The following SLC9D1 variants were observed in gnomAD, a reference collection of about 807,000 sequenced individuals.
The protein encoded by SLC9D1 is putative LAG1-interacting protein.
chr13:113,507,560 C>T, the SLC9D1 span, among the ~76,000 whole-genome samples: 28,161 of 152,106 alleles, frequency 0.19, 3,445 homozygotes, highest in African/African-American at 0.35. Context: ...ACTGAAGCCC[C>T]GAAACTGCGC....
At chr13:113,510,315 C>G in the SLC9D1 span, 1 of 1,614,228 alleles carries the variant, frequency 6.2e-7, no homozygotes, top group South Asian at 1.1e-5. Flanking sequence ...GGGGGCATCT[C>G]TTGCGGATCA....
chr13:113,491,485 C>G, the SLC9D1 span, among the ~76,000 whole-genome samples: 1 of 149,484 alleles, frequency 6.7e-6, no homozygotes, highest in African/African-American at 2.5e-5. Context: ...CAGGGGTCCC[C>G]TTCCTTCCTT....
At chr13:113,548,293 G>A in the SLC9D1 span, 11 of 1,613,412 alleles carry the variant, frequency 6.8e-6, no homozygotes, top group Admixed American at 3.3e-5. Context: ...GTAATGAACC[G>A]CTCTTGCAGT....
At chr13:113,495,987 C>A in the SLC9D1 span, 4 of 1,612,852 alleles carry the variant, frequency 2.5e-6, no homozygotes, top group Admixed American at 3.3e-5. Flanking sequence ...GGAGAGCAGC[C>A]GGCAGCGCCT....
the SLC9D1 span, among the ~76,000 whole-genome samples, chr13:113,521,118 CTGTG>C: frequency 6.6e-6 from 1 of 150,968 alleles, no homozygotes; most frequent in Non-Finnish European, 1.5e-5. Flanking sequence ...GAGGGAGTAT[CTGTG>C]TGTGTGTGTG....
chr13:113,506,939 C>T, the SLC9D1 span, among the ~76,000 whole-genome samples: 1,312 of 101,012 alleles, frequency 0.013, 9 homozygotes, highest in Admixed American at 0.027. Flanking sequence ...GGTGTAGACT[C>T]GGGGGCTTGG....
the SLC9D1 span, among the ~76,000 whole-genome samples, chr13:113,525,990 CGGTT>C: frequency 6.6e-6 from 1 of 151,162 alleles, no homozygotes; most frequent in Non-Finnish European, 1.5e-5. Context: ...AGCTCTGTGC[CGGTT>C]ATTCTAGAAG....
the SLC9D1 span, chr13:113,514,267 A>G: frequency 2.6e-5 from 4 of 152,214 alleles, no homozygotes; most frequent in African/African-American, 9.6e-5. Context: ...AGAGGAAGAC[A>G]TTTCCTATAG....
the SLC9D1 span, chr13:113,539,214 A>G: frequency 8.0e-6 from 6 of 747,408 alleles, no homozygotes; most frequent in Non-Finnish European, 1.3e-5. The surrounding 1 kb of genome is among the most constrained non-coding windows in gnomAD (Gnocchi z 4.8). Flanking sequence ...CAGACGACCC[A>G]GGACCAGACA....
chr13:113,547,177 C>T, the SLC9D1 span: 1 of 774,990 alleles, frequency 1.3e-6, no homozygotes, highest in South Asian at 1.7e-5. Context: ...CACACGTGCA[C>T]TTGGGAGGAT....
chr13:113,497,823 A>C, the SLC9D1 span, among the ~76,000 whole-genome samples: 1 of 152,246 alleles, frequency 6.6e-6, no homozygotes, highest in East Asian at 1.9e-4. Context: ...TTATTGATTA[A>C]ATATAATTGT....
chr13:113,524,056 A>G, the SLC9D1 span: 11 of 454,966 alleles, frequency 2.4e-5, no homozygotes, highest in East Asian at 4.9e-4. Context: ...AAATGCTCCA[A>G]AGTCACTTGG....
At chr13:113,497,115 CCTGCAG>C in the SLC9D1 span, among the ~76,000 whole-genome samples, 1 of 151,334 alleles carries the variant, frequency 6.6e-6, no homozygotes, top group Non-Finnish European at 1.5e-5. Context: ...GTGTGATAGA[CCTGCAG>C]CTGTGTGTCA....
chr13:113,522,986 C>T, the SLC9D1 span, among the ~76,000 whole-genome samples: 1 of 152,082 alleles, frequency 6.6e-6, no homozygotes, highest in African/African-American at 2.4e-5. Context: ...GTTGAACCAG[C>T]CTTGCATACC....
the SLC9D1 span, among the ~76,000 whole-genome samples, chr13:113,537,665 C>A: frequency 1.3e-5 from 2 of 152,190 alleles, no homozygotes; most frequent in Non-Finnish European, 2.9e-5. Context: ...TGTGAAAGAT[C>A]CGCCTGCCCC....
the SLC9D1 span, among the ~76,000 whole-genome samples, chr13:113,497,188 G>A: frequency 6.6e-6 from 1 of 151,770 alleles, no homozygotes; most frequent in Non-Finnish European, 1.5e-5. Context: ...CCAGCTGTGT[G>A]CTAACACCTG....
At chr13:113,496,176 G>A in the SLC9D1 span, 4 of 618,742 alleles carry the variant, frequency 6.5e-6, no homozygotes, top group Admixed American at 5.9e-5. Context: ...TGCTGATGTC[G>A]CTCAGGTGTT....
the SLC9D1 span, among the ~76,000 whole-genome samples, chr13:113,549,270 GCAT>G: frequency 6.6e-6 from 1 of 151,466 alleles, no homozygotes; most frequent in South Asian, 2.1e-4. Context: ...CCCCGTGCAG[GCAT>G]CCCTCCCAGC....
chr13:113,537,510 C>T, the SLC9D1 span, among the ~76,000 whole-genome samples: 1 of 152,262 alleles, frequency 6.6e-6, no homozygotes, highest in Non-Finnish European at 1.5e-5. Context: ...TCCATTCCAG[C>T]ATGTCAGATA....
Sources: gnomAD v4.1 joint callset for allele counts (sites outside exome capture counted in the v4.1 genomes callset) on GRCh38, gnomAD v4.1.1 for gene constraint, Gnocchi (gnomAD v3.1) non-coding constraint, MANE v1.5 for transcripts, NCBI Gene and HGNC (gene_info 2026-07-23, HGNC 2026-07-21) for gene names.